Variants in ALG14 observed in about 807,000 individuals in gnomAD.
ALG14 encodes the protein ALG14 UDP-N-acetylglucosaminyltransferase subunit.
ALG14 carries 17 observed loss-of-function variants against 22.8 expected under a neutral mutation model. The ratio of observed to expected loss-of-function variants is 0.75; its 90% confidence interval spans 0.51 to 1.12. ALG14 has a LOEUF of 1.12. Among genes scored for constraint, ALG14 ranks in the 50% most tolerant of loss-of-function variants. The probability of loss-of-function intolerance (pLI) is 0.00; values close to 1 mark genes in which losing one functional copy is unlikely to be tolerated. For missense variants in ALG14, 288 were observed against 271.8 expected, an observed-to-expected ratio of 1.06 and a Z score of -0.42; for synonymous variants, 89 against 103.7, an observed-to-expected ratio of 0.86 and a Z score of 0.86.
intron 3 of ALG14, among the ~76,000 whole-genome samples, chr1:95,023,136 CT>C (rs3070917): frequency 7.4e-5 from 11 of 148,890 alleles, no homozygotes; most frequent in African/African-American, 2.0e-4. Context: ...ATGTCATCAA[CT>C]TTTTTTTTTG....
intron 3 of ALG14, among the ~76,000 whole-genome samples, chr1:95,011,636 C>T (rs1001414066): frequency 3.3e-5 from 5 of 151,946 alleles, no homozygotes; most frequent in African/African-American, 7.3e-5. Context: ...ACCGTGGCCT[C>T]GATCTCCTGA....
At chr1:95,051,520 C>G (rs1348253188) in intron 2 of ALG14, among the ~76,000 whole-genome samples, 1 of 152,146 alleles carries the variant, frequency 6.6e-6, no homozygotes, top group African/African-American at 2.4e-5. Flanking sequence ...CAGATCATGT[C>G]CCTCCTCTAC....
chr1:95,059,842 T>C (rs1460646622), intron 2 of ALG14, among the ~76,000 whole-genome samples: 1 of 152,026 alleles, frequency 6.6e-6, no homozygotes, highest in Non-Finnish European at 1.5e-5. Context: ...TAGCCACATA[T>C]GGCTAGTGGC....
chr1:94,999,973 T>C (rs1391387312), intron 3 of ALG14, among the ~76,000 whole-genome samples: 1 of 149,158 alleles, frequency 6.7e-6, no homozygotes, highest in Non-Finnish European at 1.5e-5. Flanking sequence ...CCCCTCCTGC[T>C]CCATTTCACT....
chr1:95,047,094 T>A (rs1674586767), intron 2 of ALG14, among the ~76,000 whole-genome samples: 2 of 152,192 alleles, frequency 1.3e-5, no homozygotes, highest in South Asian at 2.1e-4. Context: ...AAATTTTTTT[T>A]AAAAGTTGCA....
chr1:95,022,211 T>C (rs766048676), intron 3 of ALG14: 8 of 623,232 alleles, frequency 1.3e-5, no homozygotes, highest in African/African-American at 2.0e-5. Context: ...ACTGCTAATA[T>C]GCAGCCTAAT....
chr1:95,029,775 A>G (rs1673942043), intron 2 of ALG14, among the ~76,000 whole-genome samples: 1 of 152,030 alleles, frequency 6.6e-6, no homozygotes, highest in African/African-American at 2.4e-5. Flanking sequence ...ATGTGTGACC[A>G]CTCTGCTTCT....
At chr1:95,047,292 T>C (rs1674594093) in intron 2 of ALG14, among the ~76,000 whole-genome samples, 1 of 152,174 alleles carries the variant, frequency 6.6e-6, no homozygotes, top group Non-Finnish European at 1.5e-5. Context: ...TGGTTACTTC[T>C]AGAGAGTGGA....
chr1:95,010,788 T>C (rs1002182481), intron 3 of ALG14, among the ~76,000 whole-genome samples: 31 of 152,206 alleles, frequency 2.0e-4, no homozygotes, highest in Non-Finnish European at 2.9e-4. Flanking sequence ...TAGTTCCTTT[T>C]GCCATTCCTA....
At chr1:95,048,305 T>TG (rs1354702384) in intron 2 of ALG14, among the ~76,000 whole-genome samples, 5 of 152,236 alleles carry the variant, frequency 3.3e-5, no homozygotes, top group African/African-American at 1.2e-4. Context: ...GTTTTATATA[T>TG]GAAAAACTCT....
intron 3 of ALG14, among the ~76,000 whole-genome samples, chr1:94,987,356 G>A (rs1445764397): frequency 6.6e-6 from 1 of 152,194 alleles, no homozygotes; most frequent in African/African-American, 2.4e-5. Context: ...TCCCTGACTA[G>A]CCTCTGACCA....
In ALG14 at chr1:95,023,414, G is replaced by A. The variant is rs144650081; in HGVS notation, c.420+3715C>T. On this transcript the variant is annotated intron_variant, in intron 3 of 3. Coordinates refer to ENST00000370205, the MANE Select transcript of ALG14 (RefSeq NM_144988.4). ...GCTGGAATTACAGGCATGAGCCTCC[G>A]CACCCAGCCATCAACTTTCTACTGC... is the stretch of plus-strand genomic sequence containing the variant. Among the ~76,000 whole-genome samples, 1,149 of 152,236 alleles carry A rather than the reference G, an allele frequency of 7.5e-3. 11 individuals are homozygous for A. Among genetic ancestry groups the A allele is most frequent in the African/African-American group, 0.026 (1,068 of 41,540 alleles).
At chr1:94,985,198 C>T (rs978365468) in intron 3 of ALG14, among the ~76,000 whole-genome samples, 12 of 90,984 alleles carry the variant, frequency 1.3e-4, no homozygotes, top group African/African-American at 8.0e-4. Flanking sequence ...GGTTCTATAA[C>T]TCTACAATTT....
chr1:94,993,658 G>A (rs1672836287), intron 3 of ALG14, among the ~76,000 whole-genome samples: 1 of 152,128 alleles, frequency 6.6e-6, no homozygotes, highest in Non-Finnish European at 1.5e-5. Context: ...ATAACATGGT[G>A]AACAAGTCTG....
intron 3 of ALG14, among the ~76,000 whole-genome samples, chr1:94,992,024 G>A (rs1247673268): frequency 6.9e-6 from 1 of 145,956 alleles, no homozygotes; most frequent in Non-Finnish European, 1.5e-5. Context: ...CATCTCCTAT[G>A]AGAACAATGC....
chr1:94,994,259 T>C (rs572380937), intron 3 of ALG14, among the ~76,000 whole-genome samples: 1 of 152,348 alleles, frequency 6.6e-6, no homozygotes, highest in Non-Finnish European at 1.5e-5. Flanking sequence ...TTTGTTTTCA[T>C]TGTGTTTTCA....
At chr1:95,028,404 GC>G (rs1387273078) in intron 2 of ALG14, among the ~76,000 whole-genome samples, 1 of 152,114 alleles carries the variant, frequency 6.6e-6, no homozygotes, top group Non-Finnish European at 1.5e-5. Context: ...TCGCCATGTT[GC>G]CCAGTCTGGT....
rs1260431730 is a variant in ALG14, at chr1:94,974,601, C to T, written c.*8475G>A. On this transcript the variant is annotated 3_prime_UTR_variant, in exon 4 of 4. Coordinates refer to ENST00000370205, the MANE Select transcript of ALG14 (RefSeq NM_144988.4). ...GGAGGAAAAAAAATCATTTTCCTAT[C>T]CATGGTGTAGAAATACATCTTCTGC... 2.0e-5 allele frequency: 3 copies of T among 152,182 alleles called. No individual in the cohort carries two copies. Among genetic ancestry groups the T allele is most frequent in the Non-Finnish European group, 2.9e-5 (2 of 68,018 alleles). 9.4% of individuals were successfully genotyped at this position (152,182 alleles called of 1,614,324 possible).
intron 2 of ALG14, among the ~76,000 whole-genome samples, chr1:95,040,551 A>C (rs1258973840): frequency 1.3e-5 from 2 of 151,684 alleles, no homozygotes; most frequent in African/African-American, 2.4e-5. Context: ...CAACTACCAG[A>C]ATTATTTCCT....
Sources: allele counts gnomAD v4.1 joint callset (sites outside exome capture counted in the v4.1 genomes callset), GRCh38; gene constraint gnomAD v4.1.1; transcripts MANE v1.5; gene names NCBI Gene and HGNC (gene_info 2026-07-23, HGNC 2026-07-21).